CDS1: variants seen among roughly 807,000 people sequenced by gnomAD.
The protein encoded by CDS1 is phosphatidate cytidylyltransferase 1.
CDS1 carries 41 observed loss-of-function variants against 62.1 expected under a neutral mutation model. The ratio of observed to expected loss-of-function variants is 0.66; its 90% CI spans 0.51 to 0.86. The LOEUF is 0.86. CDS1 is among the 40% of genes least tolerant of loss of function. The pLI is 0.00. For missense variants in CDS1, 470 were observed against 550.1 expected, an observed-to-expected ratio of 0.85 and a Z score of 1.46; for synonymous variants, 185 against 192.6, an observed-to-expected ratio of 0.96 and a Z score of 0.32.
intron 5 of CDS1, among the ~76,000 whole-genome samples, chr4:84,619,938 A>C (rs1349259637): frequency 2.6e-5 from 4 of 151,326 alleles, no homozygotes; most frequent in Non-Finnish European, 4.4e-5. Context: ...AGGCTGAGGC[A>C]GGAGAATCGC....
chr4:84,629,149 T>C (rs1219466790), intron 5 of CDS1, among the ~76,000 whole-genome samples: 1 of 152,190 alleles, frequency 6.6e-6, no homozygotes, highest in Admixed American at 6.5e-5. Context: ...AAAGTGACCG[T>C]TTCCACAGAT....
rs541129467 is a variant in CDS1 at position 84,583,251 on chromosome 4, G to A, written c.-151G>A. On this transcript the variant is annotated 5_prime_UTR_variant, in exon 1 of 13. Coordinates refer to ENST00000295887, the MANE Select transcript of CDS1 (RefSeq NM_001263.4). The stretch of plus-strand genomic sequence containing the variant: ...TTTGGAGGTGACCGGCGCGGCGGCC[G>A]CTCTATGGTGGGGCCGCGTTAGTGG... 160 of 568,904 alleles carry A rather than the reference G, an allele frequency of 2.8e-4. 1 individual carries two copies. The highest frequency in any genetic ancestry group is 2.8e-3 in the African/African-American group (138 of 49,726). The allele number at this position is 568,904 out of a possible 1,614,324, so 35.2% of individuals were successfully genotyped here.
At chr4:84,592,960 C>T (rs1286315147) in intron 1 of CDS1, among the ~76,000 whole-genome samples, 1 of 152,176 alleles carries the variant, frequency 6.6e-6, no homozygotes, top group East Asian at 1.9e-4. Flanking sequence ...CAATATGGGG[C>T]TGTCTGTGGG....
intron 9 of CDS1, 107 bp from the exon 10 acceptor site, chr4:84,640,731 C>A: frequency 1.2e-6 from 1 of 836,344 alleles, no homozygotes; most frequent in Non-Finnish European, 1.7e-6. Flanking sequence ...TTCTGGCATT[C>A]TATCTCTGGC....
At chr4:84,635,617 GCCTGCCTGCCTT>G (rs1724165999) in intron 8 of CDS1, among the ~76,000 whole-genome samples, 5 of 91,636 alleles carry the variant, frequency 5.5e-5, no homozygotes, top group Non-Finnish European at 8.9e-5. Flanking sequence ...CTGCCTGCCT[GCCTGCCTGCCTT>G]CCTTCCTTCC....
intron 3 of CDS1, among the ~76,000 whole-genome samples, chr4:84,609,730 C>A (rs142745649): frequency 1.3e-5 from 2 of 152,284 alleles, no homozygotes; most frequent in East Asian, 3.9e-4. Context: ...TGTGTTCATT[C>A]AGCAGAGACC....
intron 2 of CDS1, among the ~76,000 whole-genome samples, chr4:84,607,160 G>A (rs903067496): frequency 6.6e-6 from 1 of 152,166 alleles, no homozygotes; most frequent in African/African-American, 2.4e-5. Flanking sequence ...AAAAATGTAT[G>A]TTGTTGGTAT....
intron 1 of CDS1, among the ~76,000 whole-genome samples, chr4:84,586,012 A>G (rs549028842): frequency 1.4e-4 from 22 of 152,232 alleles, no homozygotes; most frequent in African/African-American, 4.8e-4. Context: ...GATTCCTGGG[A>G]CTCACCAGGT....
At chr4:84,588,403 T>A (rs368388015) in intron 1 of CDS1, among the ~76,000 whole-genome samples, 2 of 152,368 alleles carry the variant, frequency 1.3e-5, no homozygotes, top group South Asian at 2.1e-4. Context: ...CCCCACAGGT[T>A]CTTCTTTCTT....
chr4:84,585,188 T>C (rs1418023790), intron 1 of CDS1, among the ~76,000 whole-genome samples: 14 of 152,368 alleles, frequency 9.2e-5, no homozygotes, highest in East Asian at 1.9e-4. Flanking sequence ...TCTAGCTATC[T>C]GTGACTAGGT....
At chr4:84,630,274 T>C (rs1723980715) in intron 5 of CDS1, among the ~76,000 whole-genome samples, 1 of 152,210 alleles carries the variant, frequency 6.6e-6, no homozygotes, top group Non-Finnish European at 1.5e-5. Context: ...TCTCTTTCCT[T>C]TCTCTCAATA....
chr4:84,585,204 C>T (rs775263331), intron 1 of CDS1, among the ~76,000 whole-genome samples: 3 of 152,186 alleles, frequency 2.0e-5, no homozygotes, highest in African/African-American at 4.8e-5. Flanking sequence ...TAGGTTACCT[C>T]GCTGCATATT....
At chr4:84,605,013 A>G (rs1005358835) in intron 2 of CDS1, among the ~76,000 whole-genome samples, 3 of 152,240 alleles carry the variant, frequency 2.0e-5, no homozygotes, top group Non-Finnish European at 2.9e-5. Flanking sequence ...AAAATGTGTG[A>G]TGACCACAAA....
chr4:84,644,162 T>C (rs1724480970), intron 11 of CDS1, among the ~76,000 whole-genome samples: 1 of 152,174 alleles, frequency 6.6e-6, no homozygotes, highest in African/African-American at 2.4e-5. Flanking sequence ...CATTTGCCAG[T>C]GGGAAGCTAC....
chr4:84,604,380 G>C lies in CDS1; in HGVS notation c.245+10G>C, dbSNP rs777108240. The C allele has an allele frequency of 3.1e-6, 5 of 1,611,096 alleles. No individual in the cohort carries two copies. Among genetic ancestry groups the C allele is most frequent in the Middle Eastern group, 1.7e-4 (1 of 6,038 alleles). On this transcript the variant is annotated intron_variant, in intron 2 of 12. Coordinates refer to ENST00000295887, the MANE Select transcript of CDS1 (RefSeq NM_001263.4). ...CTGGTTTATCTTCAAGGTATGATTGGATGAAGATGAGTATATCTTAGTGCA... is the reference window on the plus strand; with the variant it reads ...CTGGTTTATCTTCAAGGTATGATTGCATGAAGATGAGTATATCTTAGTGCA...
chr4:84,608,122 G>A (rs1030565931), intron 2 of CDS1, among the ~76,000 whole-genome samples: 3 of 152,256 alleles, frequency 2.0e-5, no homozygotes, highest in Non-Finnish European at 4.4e-5. Flanking sequence ...ACCAGCTGGT[G>A]TACCAGCAGG....
At chr4:84,643,276 C>G (rs777267646) in intron 11 of CDS1, 133 bp downstream of exon 11, 3 of 725,200 alleles carry the variant, frequency 4.1e-6, no homozygotes, top group Non-Finnish European at 6.7e-6. Context: ...GTTTCGACCC[C>G]ACAGAAATGC....
At chr4:84,647,247 A>G (rs991544525) in intron 12 of CDS1, among the ~76,000 whole-genome samples, 3 of 151,988 alleles carry the variant, frequency 2.0e-5, no homozygotes, top group African/African-American at 4.8e-5. Flanking sequence ...TAATGGGACT[A>G]TTTAACTTAT....
intron 5 of CDS1, among the ~76,000 whole-genome samples, chr4:84,625,185 G>A (rs946486809): frequency 3.9e-5 from 6 of 151,916 alleles, no homozygotes; most frequent in Admixed American, 6.6e-5. Context: ...TTTTCTAACC[G>A]TATACTTATT....
Sources: allele counts gnomAD v4.1 joint callset (sites outside exome capture counted in the v4.1 genomes callset), GRCh38; gene constraint gnomAD v4.1.1; transcripts MANE v1.5; gene names NCBI Gene and HGNC (gene_info 2026-07-23, HGNC 2026-07-21).